The following PDE4DIP variants were observed in gnomAD, a reference collection of about 807,000 sequenced individuals.
PDE4DIP encodes the protein myomegalin.
A neutral mutation model predicts 221.4 loss-of-function variants in PDE4DIP; 59 were observed. The ratio of observed to expected loss-of-function variants is 0.27; its 90% confidence interval spans 0.22 to 0.33. The LOEUF is 0.33. Ranked by LOEUF, PDE4DIP falls within the 10% of genes least tolerant of loss-of-function variation. The pLI is 1.00. For synonymous variants in PDE4DIP, 404 were observed against 815.9 expected (o/e 0.50, Z 8.60); for missense variants, 1,036 against 2,154.2 (o/e 0.48, Z 10.28).
intron 17 of PDE4DIP, among the ~76,000 whole-genome samples, 197 bp from the exon 21 acceptor site, chr1:148,977,740 A>C (rs1248114399): frequency 1.3e-5 from 2 of 152,246 alleles, no homozygotes; most frequent in African/African-American, 4.8e-5. Flanking sequence ...AGAAGACATC[A>C]TTAAGAACAA....
chr1:148,981,167 G>A (rs1436327839), intron 20 of PDE4DIP, 103 bp from the exon 24 acceptor site: 1 of 1,021,966 alleles, frequency 9.8e-7, no homozygotes, highest in African/African-American at 1.6e-5. Context: ...ACTTTACAAA[G>A]TCGTGTGGCT....
At chr1:148,915,134 TTTTG>T (rs58167922) in intron 1 of PDE4DIP, among the ~76,000 whole-genome samples, 17,888 of 148,964 alleles carry the variant, frequency 0.12, 249 homozygotes, top group Non-Finnish European at 0.17. Context: ...CTTCTGGTTT[TTTTG>T]TTTGTTTGTT....
chr1:148,827,857 T>TA (rs1245829650), intron 1 of PDE4DIP, among the ~76,000 whole-genome samples: 5 of 40,456 alleles, frequency 1.2e-4, no homozygotes, highest in African/African-American at 3.4e-4. Flanking sequence ...GCTGGAAAGT[T>TA]AAAAAAATCA....
chr1:148,980,057 T>A (rs587698668), intron 20 of PDE4DIP, among the ~76,000 whole-genome samples: 5 of 152,372 alleles, frequency 3.3e-5, no homozygotes, highest in African/African-American at 9.6e-5. Context: ...TAAGTTGGGA[T>A]TAGTGCCTGT....
chr1:148,877,328 G>A (rs1470501410), intron 3 of PDE4DIP, among the ~76,000 whole-genome samples: 8 of 147,812 alleles, frequency 5.4e-5, no homozygotes, highest in Non-Finnish European at 1.2e-4. Flanking sequence ...CTGGATGATG[G>A]AATTAGCCTA....
chr1:149,014,921 A>G (rs2069900260), intron 32 of PDE4DIP, among the ~76,000 whole-genome samples: 1 of 152,232 alleles, frequency 6.6e-6, no homozygotes, highest in African/African-American at 2.4e-5. Flanking sequence ...AAAACCTCAC[A>G]TGGCCTTGAT....
At chr1:148,859,605 T>C (rs1326548553) in intron 1 of PDE4DIP, among the ~76,000 whole-genome samples, 3 of 151,806 alleles carry the variant, frequency 2.0e-5, no homozygotes, top group African/African-American at 4.9e-5. Flanking sequence ...GGGAGAAAGA[T>C]TATATATGGA....
At chr1:148,857,370 T>G (rs1369564028) in intron 1 of PDE4DIP, among the ~76,000 whole-genome samples, 1 of 46,628 alleles carries the variant, frequency 2.1e-5, no homozygotes, top group Admixed American at 1.8e-4. Context: ...TTTTTTTTTT[T>G]TTTTTTTTTG....
At chr1:148,820,555 C>CAAAAAAAAA (rs148261220) in intron 1 of PDE4DIP, among the ~76,000 whole-genome samples, 11 of 39,362 alleles carry the variant, frequency 2.8e-4, no homozygotes, top group Middle Eastern at 0.015. Context: ...AACTCCATCT[C>CAAAAAAAAA]AAAAAAAAAA....
At chr1:149,009,684 C>T in exon 30 of PDE4DIP, 1 of 1,614,174 alleles carries the variant, frequency 6.2e-7, no homozygotes, top group Non-Finnish European at 8.5e-7. Flanking sequence ...CACCGCTCTC[C>T]CAGCAGCACC....
Position 148,978,814 on chromosome 1 carries a change from G to A in PDE4DIP, c.2574+399G>A, listed in dbSNP as rs1456507382. The stretch of plus-strand genomic sequence containing the variant: ...TGTCAATCTCAGCTATTTGTGGAGG[G>A]TTAGTTGATGGTATTTCCTAGAGAA... On this transcript the variant is annotated intron_variant, in intron 19 of 43. Transcript: ENST00000369354. 3.9e-5 allele frequency among the ~76,000 whole-genome samples: 6 copies of A among 152,036 alleles called. 1 individual carries two copies. In the South Asian group the frequency reaches 1.2e-3, roughly 32 times the overall value.
chr1:149,010,125 A>G (rs2068154214), intron 30 of PDE4DIP, among the ~76,000 whole-genome samples: 1 of 152,182 alleles, frequency 6.6e-6, no homozygotes, highest in South Asian at 2.1e-4. Flanking sequence ...CTCTCCTACA[A>G]TGATCTTGCT....
rs781510951 is a variant in PDE4DIP, at chr1:148,961,169, G to A, written c.768+384G>A. Among the ~76,000 whole-genome samples, 1,310 of 152,200 alleles carry A rather than the reference G, an allele frequency of 8.6e-3. 9 individuals carry two copies. The highest frequency in any genetic ancestry group is 0.012 in the Non-Finnish European group (842 of 67,996). ...AAAAATAAAAAAAAATTAGCCAGGC[G>A]TTGTGGCAGACACCTGTAATCCCAC... On this transcript the variant is annotated intron_variant, in intron 6 of 43. Coordinates refer to ENST00000369354, the Ensembl canonical transcript of PDE4DIP.
At chr1:148,893,061 GTGTC>G (rs1403387275) in intron 1 of PDE4DIP, among the ~76,000 whole-genome samples, 22 of 70,014 alleles carry the variant, frequency 3.1e-4, no homozygotes, top group South Asian at 6.5e-4. Flanking sequence ...ATATATGTGT[GTGTC>G]TGTGTGTGTG....
At chr1:148,956,234 T>C (rs1553502218) in intron 5 of PDE4DIP, among the ~76,000 whole-genome samples, 2 of 151,990 alleles carry the variant, frequency 1.3e-5, no homozygotes, top group African/African-American at 4.8e-5. Context: ...GCCACAAATA[T>C]GGAGAAAACC....
chr1:149,013,655 G>A lies in PDE4DIP; in HGVS notation c.5266+879G>A, dbSNP rs587616505. ...TGTGCCTGTAAAGAAGCTTAGGTGA[G>A]CCAGAGACTGATAGGGTCACCATGC... On this transcript the variant is annotated intron_variant, in intron 32 of 43. Coordinates refer to ENST00000369354, the Ensembl canonical transcript of PDE4DIP. Among the ~76,000 whole-genome samples, 147 of 100,736 alleles carry A rather than the reference G, an allele frequency of 1.5e-3. 4 individuals carry two copies. Among genetic ancestry groups the A allele is most frequent in the African/African-American group, 5.7e-3 (143 of 25,046 alleles). The allele number at this position is 100,736 out of a possible 152,430, so 66.1% of individuals were successfully genotyped here. A position where few individuals can be genotyped will look rare whatever the true frequency, so the allele number is the denominator to read the frequency against.
rs78668642 is a variant in PDE4DIP, at chr1:148,820,482, C to G, written c.233+11745C>G. On this transcript the variant is annotated intron_variant, in intron 1 of 45. Coordinates refer to the PDE4DIP transcript ENST00000524974. ...ACTCAGGAGGCTGAGGCAGGAGAAT[C>G]ACTTGAACCCAGGAGGCGTAGGTTG... Among the ~76,000 whole-genome samples, 568 of 144,570 alleles carry G rather than the reference C, an allele frequency of 3.9e-3. 3 individuals carry two copies. The highest frequency in any genetic ancestry group is 0.018 in the Middle Eastern group (5 of 282). 94.8% of individuals were successfully genotyped at this position (144,570 alleles called of 152,430 possible). A position where few individuals can be genotyped will look rare whatever the true frequency, so the allele number is the denominator to read the frequency against.
intron 43 of PDE4DIP, among the ~76,000 whole-genome samples, chr1:149,031,690 GT>G (rs2076771817): frequency 7.0e-6 from 1 of 141,870 alleles, no homozygotes; most frequent in Non-Finnish European, 1.5e-5. Context: ...AGGGGGAGTG[GT>G]AGGATCCAGC....
intron 2 of PDE4DIP, 143 bp from the exon 6 acceptor site, chr1:148,931,652 TGGGAA>T: frequency 2.3e-6 from 2 of 888,232 alleles, no homozygotes; most frequent in South Asian, 2.7e-5. Flanking sequence ...TGCATAGAAA[TGGGAA>T]TGCTTACACG....
Sources: gnomAD v4.1 joint callset for allele counts (sites outside exome capture counted in the v4.1 genomes callset) on GRCh38, gnomAD v4.1.1 for gene constraint, MANE v1.5 for transcripts, NCBI Gene and HGNC (gene_info 2026-07-23, HGNC 2026-07-21) for gene names.